TM2D2: variants seen among roughly 807,000 people sequenced by gnomAD.
The protein encoded by TM2D2 is TM2 domain containing 2, also known as TM2 domain-containing protein 2.
In TM2D2, 19 loss-of-function variants were observed where a neutral mutation model predicts 23.0. The observed-to-expected ratio is 0.82, with a 90% CI of 0.58 to 1.21. The LOEUF (loss-of-function observed/expected upper bound fraction) is 1.21. TM2D2 is among the 50% of genes most tolerant of loss of function. The pLI is 0.00. For synonymous variants in TM2D2, 120 were observed against 108.8 expected, an observed-to-expected ratio of 1.10 and a Z score of -0.64; for missense variants, 246 against 265.4, an observed-to-expected ratio of 0.93 and a Z score of 0.51.
At chr8:38,993,721 C>G (rs749064581) in intron 2 of TM2D2, 61 bp from the exon 3 acceptor site, 43 of 1,217,694 alleles carry the variant, frequency 3.5e-5, no homozygotes, top group Non-Finnish European at 4.6e-5. Flanking sequence ...AAACATCTAT[C>G]TTTATATTCA....
Position 38,991,258 on chromosome 8 carries a change from G to A in TM2D2, c.*74C>T. ...ACATCAGGTCTGATATCAAAGAGGA[G>A]TTTTGAGCCTGTAGAGATGAATTCA... On this transcript the variant is annotated 3_prime_UTR_variant, in exon 4 of 4. Coordinates refer to ENST00000456397, the MANE Select transcript of TM2D2 (RefSeq NM_078473.3). 2 of 1,260,500 alleles carry A rather than the reference G, an allele frequency of 1.6e-6. No homozygotes were observed. The highest frequency in any genetic ancestry group is 2.3e-6 in the Non-Finnish European group (2 of 882,746). The allele number at this position is 1,260,500 out of a possible 1,614,324, so 78.1% of individuals were successfully genotyped here.
chr8:38,994,952 T>C (rs1333572733), intron 2 of TM2D2, among the ~76,000 whole-genome samples: 1 of 152,224 alleles, frequency 6.6e-6, no homozygotes, highest in Non-Finnish European at 1.5e-5. Context: ...GTAACAAAGA[T>C]ACTGCCCAAT....
chr8:38,995,056 C>G (rs1835716314), intron 2 of TM2D2: 1 of 369,760 alleles, frequency 2.7e-6, no homozygotes, highest in Admixed American at 4.4e-5. Context: ...ATTTTAGTTT[C>G]AAAATCTGTC....
intron 2 of TM2D2, chr8:38,994,979 A>G (rs754387159): frequency 1.4e-5 from 3 of 212,106 alleles, no homozygotes; most frequent in Non-Finnish European, 2.8e-5. Context: ...CCAGTGTTGC[A>G]AAGTGCACAG....
rs764332895 is a variant in TM2D2, at chr8:38,996,248, G to C, written c.192C>G (p.Gly64=). The C allele has an allele frequency of 1.2e-6, 2 of 1,613,778 alleles. No individual in the cohort carries two copies. The highest frequency in any genetic ancestry group is 1.7e-6 in the Non-Finnish European group (2 of 1,179,960). The change falls in exon 1 of 4, where the codon GGC becomes GGG. Residue 64 remains glycine, a synonymous_variant. Coordinates refer to ENST00000456397, the MANE Select transcript of TM2D2 (RefSeq NM_078473.3). ...AGAGGATGACCGGAGAGTGGGGGTC[G>C]CCATATTCCCAGCTCGCAGCACCCC... The part of the protein sequence containing the change: ...GPGGAASWEY[G]DPHSPVILCS...
intron 3 of TM2D2, among the ~76,000 whole-genome samples, chr8:38,992,683 T>TGGTAGG (rs1835639376): frequency 6.6e-6 from 1 of 152,168 alleles, no homozygotes; most frequent in Non-Finnish European, 1.5e-5. Flanking sequence ...ACAGGCACCA[T>TGGTAGG]GGTAGGAGTA....
In TM2D2 at chr8:38,996,223, AGAG is replaced by A. The variant is rs1461886773; in HGVS notation, c.214_216del (p.Leu72del). ...CCACTGGTAGCTTACAGGTAAGAGC[AGAG>A]GATGACCGGAGAGTGGGGGTCGCCA... On this transcript the variant is annotated inframe_deletion, in exon 1 of 4. Transcript: ENST00000456397. The A allele has an allele frequency of 3.1e-6, 5 of 1,613,610 alleles. No homozygotes were observed. Among genetic ancestry groups the A allele is most frequent in the Non-Finnish European group, 4.2e-6 (5 of 1,179,844 alleles).
At chr8:38,995,546 A>C in intron 1 of TM2D2, 141 bp from the exon 2 acceptor site, 1 of 1,519,368 alleles carries the variant, frequency 6.6e-7, no homozygotes, top group African/African-American at 1.4e-5. Flanking sequence ...ACCCCTTTCC[A>C]AGCCAATTAA....
upstream of TM2D2, chr8:38,996,570 G>C: frequency 6.8e-7 from 1 of 1,476,126 alleles, no homozygotes; most frequent in Non-Finnish European, 9.0e-7. Context: ...GCCAATGGAC[G>C]CGCAGCTCGA....
Position 38,988,889 on chromosome 8 carries a change from A to G in TM2D2, c.*2443T>C, listed in dbSNP as rs1384311260. On this transcript the variant is annotated 3_prime_UTR_variant, in exon 4 of 4. Transcript: ENST00000456397. ...CTTCTAATTTAACCTTGAGGGAAGG[A>G]CACTGTAGTATTTTAAACCTTCTCT... The G allele has an allele frequency of 6.6e-6, 1 of 152,208 alleles. No individual in the cohort carries two copies. The highest frequency in any genetic ancestry group is 1.5e-5 in the Non-Finnish European group (1 of 68,032). The allele number at this position is 152,208 out of a possible 1,614,324, so 9.4% of individuals were successfully genotyped here. A position where few individuals can be genotyped will look rare whatever the true frequency, so the allele number is the denominator to read the frequency against.
At chr8:38,993,066 A>G (rs4733897) in intron 3 of TM2D2, among the ~76,000 whole-genome samples, 6 of 152,028 alleles carry the variant, frequency 3.9e-5, no homozygotes, top group African/African-American at 1.4e-4. Flanking sequence ...CACAAGATTT[A>G]TATCTATTGT....
At chr8:38,996,143 C>G in intron 1 of TM2D2, 70 bp downstream of exon 1, 3 of 1,525,992 alleles carry the variant, frequency 2.0e-6, no homozygotes, top group Non-Finnish European at 2.7e-6. Context: ...CCCAACCCTG[C>G]CTTCCCTTAA....
chr8:38,996,858 G>A (rs1052326654), upstream of TM2D2: 319 of 1,458,290 alleles, frequency 2.2e-4, no homozygotes, highest in Non-Finnish European at 2.8e-4. Flanking sequence ...TTTTCCCTAC[G>A]TCAGCGCAGC....
chr8:38,994,430 A>G (rs1382624688), intron 2 of TM2D2, among the ~76,000 whole-genome samples: 3 of 152,222 alleles, frequency 2.0e-5, no homozygotes, highest in African/African-American at 2.4e-5. Flanking sequence ...AAAATGGGCA[A>G]AAGTGATCTC....
intron 3 of TM2D2, among the ~76,000 whole-genome samples, chr8:38,992,417 G>GCA (rs1218442005): frequency 6.7e-6 from 1 of 150,112 alleles, no homozygotes; most frequent in Non-Finnish European, 1.5e-5. Flanking sequence ...GGTCGAGGCT[G>GCA]CAGTGAGCCC....
Position 38,989,477 on chromosome 8 carries a change from T to C in TM2D2, c.*1855A>G, listed in dbSNP as rs80055284. 0.024 allele frequency: 3,706 copies of C among 152,392 alleles called. 178 individuals are homozygous for C. The highest frequency in any genetic ancestry group is 0.085 in the African/African-American group (3,517 of 41,510). 9.4% of individuals were successfully genotyped at this position (152,392 alleles called of 1,614,324 possible). On this transcript the variant is annotated 3_prime_UTR_variant, in exon 4 of 4. Coordinates refer to ENST00000456397, the MANE Select transcript of TM2D2 (RefSeq NM_078473.3). ...CCACCACGCCCGGCTAATTTTTGCA[T>C]TTTTACTAGAGACTGGGCGGGGGTG...
chr8:38,990,086 T>C lies in TM2D2; in HGVS notation c.*1246A>G, dbSNP rs1835559985. 6.6e-6 allele frequency: 1 copy of C among 152,242 alleles called. No individual in the cohort carries two copies. The highest frequency in any genetic ancestry group is 6.5e-5 in the Admixed American group (1 of 15,284). 9.4% of individuals were successfully genotyped at this position (152,242 alleles called of 1,614,324 possible). ...CAAGACAGAATAGGATCATCTGTTT[T>C]AAATTTTTTACAGAAAATTGCCACC... On this transcript the variant is annotated 3_prime_UTR_variant, in exon 4 of 4. Transcript: ENST00000456397.
chr8:38,996,810 C>T (rs1033766964), upstream of TM2D2: 4 of 1,432,924 alleles, frequency 2.8e-6, no homozygotes, highest in African/African-American at 5.7e-5. Flanking sequence ...GTTGCCACCG[C>T]CGGTTTAGAA....
At chr8:38,991,586 A>G in intron 3 of TM2D2, 41 bp from the exon 4 acceptor site, 1 of 1,472,132 alleles carries the variant, frequency 6.8e-7, no homozygotes, top group Non-Finnish European at 9.5e-7. Flanking sequence ...TTACTGCACG[A>G]AAATTTAAAC....
Sources: gnomAD v4.1 joint callset for allele counts (sites outside exome capture counted in the v4.1 genomes callset) on GRCh38, gnomAD v4.1.1 for gene constraint, MANE v1.5 for transcripts, NCBI Gene and HGNC (gene_info 2026-07-23, HGNC 2026-07-21) for gene names.